Variants in NKAIN3 observed in about 807,000 individuals in gnomAD.
NKAIN3 encodes sodium/potassium transporting ATPase interacting 3.
In NKAIN3, 25 loss-of-function variants were observed where a neutral mutation model predicts 30.2. The observed-to-expected ratio is 0.83, with a 90% confidence interval of 0.60 to 1.16. The LOEUF is 1.16. NKAIN3 is among the 50% of genes most tolerant of loss of function. NKAIN3 has a pLI of 0.00. For missense variants in NKAIN3, 225 were observed against 254.1 expected (o/e 0.89, Z 0.78); for synonymous variants, 91 against 89.6 (o/e 1.02, Z -0.09).
intron 1 of NKAIN3, among the ~76,000 whole-genome samples, chr8:62,446,630 A>G (rs1019521165): frequency 6.6e-6 from 1 of 152,008 alleles, no homozygotes; most frequent in Non-Finnish European, 1.5e-5. Flanking sequence ...TTCCCCCAGA[A>G]CCCTACCAAC....
intron 4 of NKAIN3, among the ~76,000 whole-genome samples, chr8:62,910,261 G>C (rs975064359): frequency 6.6e-6 from 1 of 152,018 alleles, no homozygotes; most frequent in Non-Finnish European, 1.5e-5. Context: ...AGAAATATAA[G>C]TTACATAGAA....
At chr8:62,698,821 T>A (rs959364479) in intron 3 of NKAIN3, among the ~76,000 whole-genome samples, 2 of 152,136 alleles carry the variant, frequency 1.3e-5, no homozygotes, top group African/African-American at 4.8e-5. Context: ...AAAAAGATAA[T>A]GGAAAGGACG....
At chr8:62,569,028 A>G (rs1322007796) in intron 1 of NKAIN3, among the ~76,000 whole-genome samples, 1 of 152,212 alleles carries the variant, frequency 6.6e-6, no homozygotes, top group Non-Finnish European at 1.5e-5. Context: ...ACCAAGTAAC[A>G]GGAAAAGGAG....
At chr8:62,273,684 A>C (rs1256946717) in intron 1 of NKAIN3, among the ~76,000 whole-genome samples, 1 of 152,218 alleles carries the variant, frequency 6.6e-6, no homozygotes, top group Non-Finnish European at 1.5e-5. Context: ...ACAGGCTTTT[A>C]GGAAATCATC....
At chr8:62,438,407 C>T (rs950671090) in intron 1 of NKAIN3, among the ~76,000 whole-genome samples, 3 of 152,140 alleles carry the variant, frequency 2.0e-5, no homozygotes, top group Admixed American at 6.5e-5. Context: ...TGCCTGATTA[C>T]ACTGTGAGCC....
intron 4 of NKAIN3, among the ~76,000 whole-genome samples, chr8:62,845,514 A>G (rs1415471247): frequency 1.3e-5 from 2 of 151,872 alleles, no homozygotes; most frequent in Non-Finnish European, 2.9e-5. Context: ...TATAGTACCC[A>G]CAGTGAATGA....
chr8:62,326,515 A>T (rs1451856564), intron 1 of NKAIN3, among the ~76,000 whole-genome samples: 1 of 151,834 alleles, frequency 6.6e-6, no homozygotes, highest in Non-Finnish European at 1.5e-5. Flanking sequence ...ATCCAGTTTC[A>T]TTCTTCTACA....
chr8:62,410,159 T>G (rs1804196870), intron 1 of NKAIN3, among the ~76,000 whole-genome samples: 1 of 152,078 alleles, frequency 6.6e-6, no homozygotes, highest in Admixed American at 6.6e-5. Context: ...TGTCCATGTG[T>G]GTTCAATGTT....
chr8:62,294,022 G>A (rs1016532059), intron 1 of NKAIN3, among the ~76,000 whole-genome samples: 2 of 152,194 alleles, frequency 1.3e-5, no homozygotes, highest in African/African-American at 4.8e-5. Context: ...CTGTGAGGGT[G>A]GGACCCTTCG....
At chr8:62,749,170 T>G (rs1816185528) in intron 4 of NKAIN3, among the ~76,000 whole-genome samples, 1 of 152,214 alleles carries the variant, frequency 6.6e-6, no homozygotes, top group East Asian at 1.9e-4. Context: ...TAAACCATTT[T>G]GTGGAATGAT....
intron 3 of NKAIN3, among the ~76,000 whole-genome samples, chr8:62,744,385 G>A (rs1282498078): frequency 6.6e-6 from 1 of 152,112 alleles, no homozygotes; most frequent in African/African-American, 2.4e-5. Flanking sequence ...ATGCTGAAAG[G>A]TTTTATGAGT....
At chr8:62,431,622 T>C (rs1424993665) in intron 1 of NKAIN3, among the ~76,000 whole-genome samples, 1 of 151,908 alleles carries the variant, frequency 6.6e-6, no homozygotes, top group Non-Finnish European at 1.5e-5. Context: ...TCTTTGTGTT[T>C]GTTCTTGCCC....
At chr8:62,926,814 C>T (rs1458375892) in intron 5 of NKAIN3, among the ~76,000 whole-genome samples, 3 of 152,174 alleles carry the variant, frequency 2.0e-5, no homozygotes, top group Non-Finnish European at 4.4e-5. Context: ...CATCTGTGAT[C>T]ATCATCTTCC....
chr8:62,397,690 G>C (rs1006751046), intron 1 of NKAIN3, among the ~76,000 whole-genome samples: 11 of 152,144 alleles, frequency 7.2e-5, no homozygotes, highest in African/African-American at 2.4e-4. Context: ...CCTACAGTTT[G>C]TAATGAGCGC....
chr8:62,921,489 T>C (rs1403333946), intron 5 of NKAIN3, among the ~76,000 whole-genome samples: 1 of 152,174 alleles, frequency 6.6e-6, no homozygotes, highest in Non-Finnish European at 1.5e-5. Context: ...TAATAAATAC[T>C]TGAGGAAACA....
chr8:62,511,018 C>T (rs922822373), intron 1 of NKAIN3, among the ~76,000 whole-genome samples: 3 of 152,100 alleles, frequency 2.0e-5, no homozygotes, highest in African/African-American at 4.8e-5. Flanking sequence ...AGGAAACCCA[C>T]ATAAACTCAA....
At chr8:62,358,448 T>G (rs1816430288) in intron 1 of NKAIN3, among the ~76,000 whole-genome samples, 2 of 152,154 alleles carry the variant, frequency 1.3e-5, no homozygotes, top group Non-Finnish European at 2.9e-5. Context: ...TGAAAAAGTT[T>G]TATTCCATTA....
At chr8:62,405,447 A>T (rs1804032307) in intron 1 of NKAIN3, among the ~76,000 whole-genome samples, 1 of 152,182 alleles carries the variant, frequency 6.6e-6, no homozygotes, top group Non-Finnish European at 1.5e-5. Flanking sequence ...GACCACTGGG[A>T]TTAACAATTT....
chr8:62,856,597 T>A, intron 4 of NKAIN3: 1 of 780,560 alleles, frequency 1.3e-6, no homozygotes, highest in South Asian at 1.3e-5. Context: ...AACAGCATGA[T>A]CTTGTTATGA....
Sources: allele counts gnomAD v4.1 joint callset (sites outside exome capture counted in the v4.1 genomes callset), GRCh38; gene constraint gnomAD v4.1.1; transcripts MANE v1.5; gene names NCBI Gene and HGNC (gene_info 2026-07-23, HGNC 2026-07-21).